The following LTA variants were observed in gnomAD, a reference collection of about 807,000 sequenced individuals.
LTA encodes lymphotoxin-alpha.
LTA carries 6 observed loss-of-function variants against 15.1 expected under a neutral mutation model. That is an observed-to-expected ratio of 0.40 (90% CI 0.22 to 0.78). The LOEUF (loss-of-function observed/expected upper bound fraction) is 0.78. Ranked by LOEUF, LTA falls within the 30% of genes least tolerant of loss-of-function variation. The pLI is 0.38. For synonymous variants in LTA, 87 were observed against 107.3 expected (o/e 0.81, Z 1.17); for missense variants, 173 against 249.5 (o/e 0.69, Z 2.06).
chr6:31,570,588 T>C (rs1239798182), upstream of LTA, among the ~76,000 whole-genome samples: 1 of 152,204 alleles, frequency 6.6e-6, no homozygotes, highest in Non-Finnish European at 1.5e-5. Context: ...TAAGTGAAAA[T>C]GGGCTCATGT....
At chr6:31,562,898 C>T in the LTA span, among the ~76,000 whole-genome samples, 1 of 149,220 alleles carries the variant, frequency 6.7e-6, no homozygotes, top group African/African-American at 2.5e-5. Flanking sequence ...CGGTGGCTCA[C>T]CCTTGTAATC....
At chr6:31,568,119 T>C (rs1332045033), upstream of LTA, among the ~76,000 whole-genome samples, 1 of 152,214 alleles carries the variant, frequency 6.6e-6, no homozygotes, top group Non-Finnish European at 1.5e-5. The surrounding 1 kb of genome is among the most constrained non-coding windows in gnomAD (Gnocchi z 4.1). Flanking sequence ...CTTTTCCGTC[T>C]GGCCTCACTG....
upstream of LTA, among the ~76,000 whole-genome samples, chr6:31,569,775 C>T (rs948357469): frequency 1.0e-4 from 15 of 143,392 alleles, no homozygotes; most frequent in African/African-American, 3.7e-4. Context: ...CCAGCCTGTG[C>T]GACAGTGAGA....
chr6:31,573,672 C>A lies in LTA; in HGVS notation c.597C>A (p.Phe199Leu). ...TAGTCCTCAGCCCTAGTACTGTCTTCTTTGGAGCCTTCGCTCTGTAGAACT... is the reference window on the plus strand; with the variant it reads ...TAGTCCTCAGCCCTAGTACTGTCTTATTTGGAGCCTTCGCTCTGTAGAACT... ...PHLVLSPSTV[F>L]FGAFAL is the part of the protein sequence containing the mutation. The change falls in exon 4 of 4, where the codon TTC becomes TTA. Residue 199 changes from phenylalanine (F) to leucine (L), a missense_variant. Physicochemically the swap from Phe to Leu is conservative, Grantham distance 22. Transcript: ENST00000418386. 1 of 1,613,750 alleles carries A rather than the reference C, an allele frequency of 6.2e-7. No homozygotes were observed. Among genetic ancestry groups the A allele is most frequent in the East Asian group, 2.2e-5 (1 of 44,884 alleles).
chr6:31,567,532 C>G (rs975003185), upstream of LTA, among the ~76,000 whole-genome samples: 4 of 151,728 alleles, frequency 2.6e-5, no homozygotes, highest in African/African-American at 9.7e-5. Flanking sequence ...CACTGCACTC[C>G]AGCCTAGGCC....
Position 31,573,003 on chromosome 6 carries a change from A to AGCACC in LTA, c.176_180dup (p.Leu61AlafsTer36). 6.2e-7 allele frequency: 1 copy of AGCACC among 1,612,220 alleles called. No homozygotes were observed. Among genetic ancestry groups the AGCACC allele is most frequent in the Non-Finnish European group, 8.5e-7 (1 of 1,179,756 alleles). ...GCACCCCAAGATGCATCTTGCCCAC[A>AGCACC]GCACCCTCAAACCTGCTGCTCACCT... On this transcript the variant is annotated frameshift_variant, in exon 3 of 4. Transcript: ENST00000418386. LOFTEE classifies it high-confidence loss of function.
the LTA span, among the ~76,000 whole-genome samples, chr6:31,564,639 G>A: frequency 6.6e-6 from 1 of 150,934 alleles, no homozygotes; most frequent in South Asian, 2.1e-4. Flanking sequence ...GGTGCGGTGG[G>A]TCATGCCTGT....
At chr6:31,565,322 T>C in the LTA span, among the ~76,000 whole-genome samples, 4 of 152,062 alleles carry the variant, frequency 2.6e-5, no homozygotes, top group African/African-American at 9.7e-5. Flanking sequence ...CCTTGTGGGG[T>C]AGGGAATTGA....
At chr6:31,570,935 A>T (rs1353741552), upstream of LTA, among the ~76,000 whole-genome samples, 2 of 152,082 alleles carry the variant, frequency 1.3e-5, no homozygotes, top group Non-Finnish European at 2.9e-5. Flanking sequence ...CCTGCTGGGG[A>T]CCTGAAAATA....
At chr6:31,571,100 C>T (rs2150382913), upstream of LTA, among the ~76,000 whole-genome samples, 1 of 151,244 alleles carries the variant, frequency 6.6e-6, no homozygotes, top group South Asian at 2.1e-4. Flanking sequence ...TTGCTCTGTC[C>T]CCCAGGCTGG....
upstream of LTA, among the ~76,000 whole-genome samples, chr6:31,571,018 T>C (rs1451105800): frequency 6.6e-6 from 1 of 151,660 alleles, no homozygotes; most frequent in African/African-American, 2.4e-5. Context: ...GTCCACCTCA[T>C]ACCTAAGTTA....
At position 31,572,844 on chromosome 6, in the gene LTA, G is replaced by A. The variant is rs754341452; in HGVS notation, c.99+3G>A. 1 of 1,611,664 alleles carries A rather than the reference G, an allele frequency of 6.2e-7. No individual in the cohort carries two copies. Among genetic ancestry groups the A allele is most frequent in the Non-Finnish European group, 8.5e-7 (1 of 1,179,796 alleles). On this transcript the variant is annotated splice_donor_region_variant and intron_variant, in intron 2 of 3. Coordinates refer to ENST00000418386, the MANE Select transcript of LTA (RefSeq NM_000595.4). ...TGGTTCTGCTGCCTGGGGCCCAGGT[G>A]AGGCAGCAGGAGAATGGGGGCTGCT... is the stretch of plus-strand genomic sequence containing the variant.
intron 1 of LTA, 69 bp from the exon 2 acceptor site, chr6:31,572,665 G>A (rs1047755369): frequency 1.8e-6 from 2 of 1,119,144 alleles, no homozygotes; most frequent in African/African-American, 1.5e-5. Context: ...TCCCAGGGCG[G>A]GAGGTCTGTC....
rs184649284 is a variant in LTA at position 31,572,680 on chromosome 6, G to A, written c.-9-54G>A. On this transcript the variant is annotated intron_variant, in intron 1 of 3. Coordinates refer to ENST00000418386, the MANE Select transcript of LTA (RefSeq NM_000595.4). Reference sequence around the variant, plus strand: ...TCCCAGGGCGGGAGGTCTGTCTTCCGCCGCGTGCCCCGCCCCGCTCACTGT... The same window carrying A: ...TCCCAGGGCGGGAGGTCTGTCTTCCACCGCGTGCCCCGCCCCGCTCACTGT... 632 of 1,370,646 alleles carry A rather than the reference G, an allele frequency of 4.6e-4. 3 individuals carry two copies. In the Middle Eastern group the frequency reaches 6.5e-3, roughly 14 times the overall value. 84.9% of individuals were successfully genotyped at this position (1,370,646 alleles called of 1,614,324 possible).
At chr6:31,572,708 C>G in intron 1 of LTA, 26 bp from the exon 2 acceptor site, 2,123 of 1,206,696 alleles carry the variant, frequency 1.8e-3, no homozygotes, top group Non-Finnish European at 2.3e-3. Flanking sequence ...CTCACTGTCT[C>G]TCTCTCTCTC....
chr6:31,567,354 G>C (rs527835639), upstream of LTA, among the ~76,000 whole-genome samples: 1 of 151,952 alleles, frequency 6.6e-6, no homozygotes, highest in Non-Finnish European at 1.5e-5. Flanking sequence ...CCAGGAGTTC[G>C]AGACCAGCCT....
chr6:31,565,719 A>G, the LTA span, among the ~76,000 whole-genome samples: 2 of 152,036 alleles, frequency 1.3e-5, no homozygotes, highest in African/African-American at 4.8e-5. Context: ...CCACCCATCA[A>G]TCCATCATCT....
In LTA at chr6:31,572,392, C is replaced by T. The variant is rs370636956; in HGVS notation, c.-64C>T. The T allele has an allele frequency of 1.4e-4, 62 of 438,194 alleles. 1 individual carries two copies. Among genetic ancestry groups the T allele is most frequent in the East Asian group, 1.3e-3 (34 of 25,632 alleles). The allele number at this position is 438,194 out of a possible 1,614,324, so 27.1% of individuals were successfully genotyped here. On this transcript the variant is annotated 5_prime_UTR_variant, in exon 1 of 4. Transcript: ENST00000418386. ...AGTGTCCTGCCCTCTGCCTGGGCCT[C>T]GGTCCCTCCTGCACCTGCTGCCTGG...
Position 31,572,439 on chromosome 6 carries a change from G to A in LTA, c.-17G>A. 1 of 517,934 alleles carries A rather than the reference G, an allele frequency of 1.9e-6. No individual in the cohort carries two copies. The highest frequency in any genetic ancestry group is 3.4e-6 in the Non-Finnish European group (1 of 290,980). The allele number at this position is 517,934 out of a possible 1,614,324, so 32.1% of individuals were successfully genotyped here. A position where few individuals can be genotyped will look rare whatever the true frequency, so the allele number is the denominator to read the frequency against. ...CTGGATCCCCGGCCTGCCTGGGCCTGGGCCTTGGTGGGTTTGGTTTTGGTT... is the reference window on the plus strand; with the variant it reads ...CTGGATCCCCGGCCTGCCTGGGCCTAGGCCTTGGTGGGTTTGGTTTTGGTT... On this transcript the variant is annotated 5_prime_UTR_variant, in exon 1 of 4. Transcript: ENST00000418386.
Sources: allele counts gnomAD v4.1 joint callset (sites outside exome capture counted in the v4.1 genomes callset), GRCh38; gene constraint gnomAD v4.1.1; non-coding constraint Gnocchi (gnomAD v3.1); transcripts MANE v1.5; gene names NCBI Gene and HGNC (gene_info 2026-07-23, HGNC 2026-07-21).